NEB: variants seen among roughly 807,000 people sequenced by gnomAD.
NEB encodes the protein nemaline myopathy type 2.
In NEB, 512 loss-of-function variants were observed where a neutral mutation model predicts 952.2. That is an observed-to-expected ratio of 0.54 (90% CI 0.50 to 0.58). The LOEUF (loss-of-function observed/expected upper bound fraction) is 0.58. Ranked by LOEUF, NEB falls within the 20% of genes least tolerant of loss-of-function variation. NEB has a pLI of 0.00. For synonymous variants in NEB, 2,900 were observed against 3,149.8 expected, an observed-to-expected ratio of 0.92 and a Z score of 2.66; for missense variants, 8,428 against 9,231.1, an observed-to-expected ratio of 0.91 and a Z score of 3.56.
chr2:151,628,561 C>T (rs973113838), intron 68 of NEB, among the ~76,000 whole-genome samples: 17 of 152,190 alleles, frequency 1.1e-4, no homozygotes, highest in African/African-American at 4.1e-4. Flanking sequence ...GAATTTTCAG[C>T]TGGGCATAGT....
chr2:151,510,608 G>T lies in NEB; in HGVS notation c.23346+2125C>A, dbSNP rs2073417540. ...AGGGAGAGAGAGAGACCACATTCAT[G>T]TAACTATATAACTTTTATTACAGTA... On this transcript the variant is annotated intron_variant, in intron 161 of 181. Coordinates refer to ENST00000397345, the MANE Select transcript of NEB (RefSeq NM_001164508.2). 1.3e-5 allele frequency among the ~76,000 whole-genome samples: 2 copies of T among 152,308 alleles called. 1 individual carries two copies. The highest frequency in any genetic ancestry group is 4.1e-4 in the South Asian group (2 of 4,822).
rs554182078 is a variant in NEB at position 151,498,005 on chromosome 2, C to CTGTT, written c.24207+251_24207+254dup. The CTGTT allele has an allele frequency of 2.8e-4, 408 of 1,434,578 alleles. 1 individual carries two copies. The South Asian group carries it at 5.7e-3, about 20-fold the overall frequency. The allele number at this position is 1,434,578 out of a possible 1,614,324, so 88.9% of individuals were successfully genotyped here. ...TAAACAATCACATGAGGATTTGAGA[C>CTGTT]TGTTAGAACTCGGTGTTGTTATCCA... On this transcript the variant is annotated intron_variant, in intron 170 of 181. Coordinates refer to ENST00000397345, the MANE Select transcript of NEB (RefSeq NM_001164508.2).
chr2:151,513,711 G>GAAA lies in NEB; in HGVS notation c.23128-21_23128-19dup. 2 of 1,363,564 alleles carry GAAA rather than the reference G, an allele frequency of 1.5e-6. No individual in the cohort carries two copies. Among genetic ancestry groups the GAAA allele is most frequent in the Non-Finnish European group, 9.9e-7 (1 of 1,009,358 alleles). 84.5% of individuals were successfully genotyped at this position (1,363,564 alleles called of 1,614,324 possible). A position where few individuals can be genotyped will look rare whatever the true frequency, so the allele number is the denominator to read the frequency against. On this transcript the variant is annotated intron_variant, in intron 159 of 181. Transcript: ENST00000397345. The stretch of plus-strand genomic sequence containing the variant: ...TATTCTTTCTATAGTAGCATTAAAA[G>GAAA]AAAAAAAAAAGGTACCTAAATGCTA...
chr2:151,569,262 G>C lies in NEB; in HGVS notation c.17535+6C>G, dbSNP rs773283451. 6.2e-7 allele frequency: 1 copy of C among 1,612,184 alleles called. No homozygotes were observed. Among genetic ancestry groups the C allele is most frequent in the South Asian group, 1.1e-5 (1 of 90,998 alleles). ...TACTGAATGTCAGGGTAAAATCTTG[G>C]AATACCTCACTGAAGATGTCCGCGG... On this transcript the variant is annotated splice_donor_region_variant and intron_variant, in intron 110 of 181. Coordinates refer to ENST00000397345, the MANE Select transcript of NEB (RefSeq NM_001164508.2).
At position 151,654,096 on chromosome 2, in the gene NEB, G is replaced by A; in HGVS notation, c.6811C>T (p.Leu2271Phe). ...GCTTCTTCCCATCCAAGTTTATAGA[G>A]TTTCTGAAAATTAAAGATATTCTTC... is the stretch of plus-strand genomic sequence containing the variant. ...KQNQTLYSQK[L>F]YKLGWEEALK... The change falls in exon 52 of 182, where the codon CTC (leucine) becomes TTC (phenylalanine). Residue 2271 changes from leucine to phenylalanine, a missense_variant. Leu to Phe is a conservative substitution (Grantham distance 22). Around this residue, in one of 11 missense-constraint regions of NEB, gnomAD observed 2,851 missense variants for 2,791.5 expected, o/e 1.02. Transcript: ENST00000397345. The A allele has an allele frequency of 6.3e-7, 1 of 1,590,446 alleles. No homozygotes were observed. The highest frequency in any genetic ancestry group is 1.8e-5 in the Admixed American group (1 of 57,040).
At position 151,678,189 on chromosome 2, in the gene NEB, T is replaced by A. The variant is rs1401422493; in HGVS notation, c.3256-2A>T. On this transcript the variant is annotated splice_acceptor_variant, in intron 32 of 181. Coordinates refer to ENST00000397345, the MANE Select transcript of NEB (RefSeq NM_001164508.2). LOFTEE classifies it high-confidence loss of function. ...TTCATAGTCTTTTTTGTACTGAACCTATTGTAAACAAAGGTGGGCATAATT... is the reference window on the plus strand; with the variant it reads ...TTCATAGTCTTTTTTGTACTGAACCAATTGTAAACAAAGGTGGGCATAATT... 1 of 1,568,004 alleles carries A rather than the reference T, an allele frequency of 6.4e-7. No individual in the cohort carries two copies. Among genetic ancestry groups the A allele is most frequent in the South Asian group, 1.2e-5 (1 of 83,618 alleles).
intron 65 of NEB, among the ~76,000 whole-genome samples, chr2:151,632,230 G>T (rs1044311657): frequency 6.6e-5 from 10 of 150,450 alleles, no homozygotes; most frequent in Admixed American, 1.3e-4. Context: ...TCATAGTTTT[G>T]AATCTTTGTT....
chr2:151,520,449 C>T (rs1310158828), intron 153 of NEB, among the ~76,000 whole-genome samples: 2 of 152,062 alleles, frequency 1.3e-5, no homozygotes, highest in Non-Finnish European at 2.9e-5. Flanking sequence ...TTTAGGTAGG[C>T]AGAGGGCTAA....
chr2:151,528,384 T>C (rs947665461), intron 146 of NEB, among the ~76,000 whole-genome samples: 1 of 152,216 alleles, frequency 6.6e-6, no homozygotes, highest in African/African-American at 2.4e-5. Flanking sequence ...AAGGTTTTTT[T>C]CCCCTCATTT....
At position 151,526,280 on chromosome 2, in the gene NEB, G is replaced by A. The variant is rs971467177; in HGVS notation, c.21946-18C>T. 6.5e-7 allele frequency: 1 copy of A among 1,545,908 alleles called. No individual in the cohort carries two copies. The highest frequency in any genetic ancestry group is 1.4e-5 in the African/African-American group (1 of 73,514). On this transcript the variant is annotated intron_variant, in intron 148 of 181. Transcript: ENST00000397345. Reference sequence around the variant, plus strand: ...TATTTCAGCTTCAGGGGCAGGAAAAGGGGCATTTCTTTAGCTCTGCTGGAT... The same window carrying A: ...TATTTCAGCTTCAGGGGCAGGAAAAAGGGCATTTCTTTAGCTCTGCTGGAT...
chr2:151,532,821 T>C (rs1196368152), intron 143 of NEB, among the ~76,000 whole-genome samples: 1 of 152,200 alleles, frequency 6.6e-6, no homozygotes, highest in Non-Finnish European at 1.5e-5. Flanking sequence ...TCACTGTTTA[T>C]TGCTGCATCA....
Position 151,679,993 on chromosome 2 carries a change from A to T in NEB, c.3072T>A (p.Ile1024=), listed in dbSNP as rs1361252038. The T allele has an allele frequency of 6.2e-7, 1 of 1,612,754 alleles. No homozygotes were observed. The highest frequency in any genetic ancestry group is 8.5e-7 in the Non-Finnish European group (1 of 1,178,724). ...DIAYKAKGEE[I]IHKYNLPPDL... is the part of the protein sequence containing the mutation. ...CTGGTGGCAGGTTGTATTTGTGAAT[A>T]ATTTCCTCTCCTTTGGCTTTGTAAG... is the stretch of plus-strand genomic sequence containing the variant. Residue 1024 remains isoleucine (I), a synonymous_variant, in exon 31 of 182, where the codon ATT becomes ATA. Transcript: ENST00000397345.
chr2:151,697,229 T>C lies in NEB; in HGVS notation c.1389A>G (p.Glu463=), dbSNP rs2099602903. The change falls in exon 16 of 182, where the codon GAA becomes GAG. Residue 463 remains glutamate, a synonymous_variant. Transcript: ENST00000397345. ...NSDKNYKAEY[E]EDRGKGFFPQ... is the part of the protein sequence containing the mutation. ...GGAAGAAGCCTTTGCCTCTGTCTTC[T>C]TCGTATTCTGCTTTGTAGTTTTTCT... The C allele has an allele frequency of 1.9e-6, 3 of 1,613,930 alleles. No individual in the cohort carries two copies. The highest frequency in any genetic ancestry group is 8.5e-7 in the Non-Finnish European group (1 of 1,179,862).
At chr2:151,565,206 A>C in intron 116 of NEB, 58 bp from the exon 117 acceptor site, 1 of 930,072 alleles carries the variant, frequency 1.1e-6, no homozygotes, top group South Asian at 1.8e-5. Flanking sequence ...TTTTTATAAG[A>C]TTACCTAGAA....
At chr2:151,677,518 A>G in intron 34 of NEB, 47 bp downstream of exon 34, 5 of 1,416,498 alleles carry the variant, frequency 3.5e-6, no homozygotes, top group Non-Finnish European at 4.7e-6. Context: ...TACTTTTCTA[A>G]AAAGCTTCCT....
chr2:151,576,010 C>G, intron 106 of NEB, 141 bp downstream of exon 106: 1 of 758,134 alleles, frequency 1.3e-6, no homozygotes, highest in South Asian at 2.2e-5. Flanking sequence ...AATTAATAAG[C>G]AAACCAAGAC....
At chr2:151,706,281 G>A (rs1345201098) in intron 13 of NEB, among the ~76,000 whole-genome samples, 4 of 152,056 alleles carry the variant, frequency 2.6e-5, no homozygotes, top group South Asian at 2.1e-4. Flanking sequence ...ACAAATGCTA[G>A]GAAAGCTTAA....
chr2:151,526,122 A>G (rs757254996), intron 149 of NEB, 36 bp downstream of exon 149: 1 of 1,610,404 alleles, frequency 6.2e-7, no homozygotes, highest in Non-Finnish European at 8.5e-7. Flanking sequence ...CGTTCTCCCA[A>G]GAGGGAAGCA....
chr2:151,630,514 C>T (rs114985345), intron 67 of NEB, among the ~76,000 whole-genome samples: 209 of 152,276 alleles, frequency 1.4e-3, no homozygotes, highest in Non-Finnish European at 1.8e-3. Context: ...GAAATCACCA[C>T]GAACAGAAAA....
Sources: allele counts gnomAD v4.1 joint callset (sites outside exome capture counted in the v4.1 genomes callset), GRCh38; gene constraint gnomAD v4.1.1; regional missense constraint gnomAD v4.1.1; transcripts MANE v1.5; gene names NCBI Gene and HGNC (gene_info 2026-07-23, HGNC 2026-07-21).